GALNT17: variants seen among roughly 807,000 people sequenced by gnomAD.
GALNT17 encodes the protein polypeptide N-acetylgalactosaminyltransferase 17.
Under a neutral mutation model 63.7 loss-of-function variants are expected in GALNT17, and 29 were observed. The observed-to-expected ratio is 0.46, with a 90% CI of 0.34 to 0.62. The LOEUF (loss-of-function observed/expected upper bound fraction) is 0.62, where lower values mean the gene tolerates loss of function less well. Ranked by LOEUF, GALNT17 falls within the 20% of genes least tolerant of loss-of-function variation. GALNT17 has a pLI of 0.01. For missense variants in GALNT17, 603 were observed against 799.6 expected, an observed-to-expected ratio of 0.75 and a Z score of 2.97; for synonymous variants, 305 against 318.3, an observed-to-expected ratio of 0.96 and a Z score of 0.45.
intron 5 of GALNT17, among the ~76,000 whole-genome samples, chr7:71,546,131 G>T (rs571089414): frequency 5.1e-4 from 77 of 151,288 alleles, no homozygotes; most frequent in African/African-American, 1.8e-3. Flanking sequence ...AAACCCTCAG[G>T]GACAGGTCAT....
At chr7:71,277,793 C>T (rs1382274596) in intron 1 of GALNT17, among the ~76,000 whole-genome samples, 2 of 152,164 alleles carry the variant, frequency 1.3e-5, no homozygotes, top group Non-Finnish European at 2.9e-5. Context: ...CAGTCTTTTT[C>T]ACCCCAGTGC....
At chr7:71,701,725 G>GTGTA (rs1791634908) in intron 9 of GALNT17, among the ~76,000 whole-genome samples, 1 of 139,108 alleles carries the variant, frequency 7.2e-6, no homozygotes, top group South Asian at 2.3e-4. Flanking sequence ...TGTGGTGTAT[G>GTGTA]TATATATATA....
Position 71,259,570 on chromosome 7 carries a change from G to T in GALNT17, c.239-75980G>T, listed in dbSNP as rs565009727. Among the ~76,000 whole-genome samples the T allele has an allele frequency of 2.0e-5, 3 of 152,020 alleles. No individual in the cohort carries two copies. The South Asian group carries it at 6.2e-4, about 32-fold the overall frequency. ...GGACAGTGTCACATATTAAGAGAGG[G>T]GACATAAGCCAATGGAAGTACACAC... On this transcript the variant is annotated intron_variant, in intron 1 of 10. Transcript: ENST00000333538.
intron 2 of GALNT17, among the ~76,000 whole-genome samples, chr7:71,373,774 G>A (rs919888954): frequency 2.0e-5 from 3 of 152,022 alleles, no homozygotes; most frequent in African/African-American, 7.2e-5. Context: ...CCACACCCCC[G>A]GTTCATGGAA....
intron 6 of GALNT17, among the ~76,000 whole-genome samples, chr7:71,581,568 G>A (rs556200395): frequency 9.9e-5 from 15 of 152,238 alleles, no homozygotes; most frequent in African/African-American, 2.9e-4. Context: ...CTCCTTCAAC[G>A]CGTGGGGATT....
At chr7:71,482,065 G>A (rs181523349) in intron 5 of GALNT17, among the ~76,000 whole-genome samples, 227 of 130,770 alleles carry the variant, frequency 1.7e-3, no homozygotes, top group African/African-American at 6.0e-3. Context: ...TGATGTATAG[G>A]TATACATATA....
chr7:71,286,514 C>A (rs575660009), intron 1 of GALNT17, among the ~76,000 whole-genome samples: 1 of 152,152 alleles, frequency 6.6e-6, no homozygotes, highest in African/African-American at 2.4e-5. Context: ...TATTCCCGTT[C>A]GCAAATAAGG....
chr7:71,665,210 C>T (rs1181989378), intron 6 of GALNT17, among the ~76,000 whole-genome samples: 1 of 152,158 alleles, frequency 6.6e-6, no homozygotes, highest in Non-Finnish European at 1.5e-5. Context: ...CTCCTGACCT[C>T]AAGTGATCTG....
rs147520939 is a variant in GALNT17, at chr7:71,334,276, G to A, written c.239-1274G>A. On this transcript the variant is annotated intron_variant, in intron 1 of 10. Transcript: ENST00000333538. ...GGTGATGGGGAACCGTCTCACTACCGGAGCAGGTTTCCTGGCTCTTGACTT... is the reference window on the plus strand; with the variant it reads ...GGTGATGGGGAACCGTCTCACTACCAGAGCAGGTTTCCTGGCTCTTGACTT... Among the ~76,000 whole-genome samples the A allele has an allele frequency of 5.6e-3, 848 of 152,282 alleles. 9 individuals are homozygous for A. The highest frequency in any genetic ancestry group is 0.019 in the African/African-American group (806 of 41,562).
intron 1 of GALNT17, among the ~76,000 whole-genome samples, chr7:71,141,301 A>G (rs1191004201): frequency 1.3e-5 from 2 of 151,198 alleles, no homozygotes; most frequent in African/African-American, 4.9e-5. Context: ...TGAGAGGCGG[A>G]GGTTGCAGTG....
chr7:71,497,716 A>C (rs1037762185), intron 5 of GALNT17, among the ~76,000 whole-genome samples: 2 of 152,222 alleles, frequency 1.3e-5, no homozygotes, highest in Non-Finnish European at 2.9e-5. Context: ...TGCTGCGTGC[A>C]GCCTGCCAAG....
chr7:71,425,242 G>A (rs76142296), intron 5 of GALNT17, among the ~76,000 whole-genome samples: 2 of 145,964 alleles, frequency 1.4e-5, no homozygotes, highest in African/African-American at 5.1e-5. Flanking sequence ...TTTTTTTTTT[G>A]AGACAAAGTC....
chr7:71,475,798 AT>A (rs1474252348), intron 5 of GALNT17, among the ~76,000 whole-genome samples: 5 of 152,220 alleles, frequency 3.3e-5, no homozygotes, highest in African/African-American at 7.2e-5. Context: ...AGAAACAGGT[AT>A]CCCCAGTGAG....
intron 5 of GALNT17, among the ~76,000 whole-genome samples, chr7:71,571,010 C>T (rs1789432077): frequency 6.6e-6 from 1 of 151,930 alleles, no homozygotes; most frequent in Admixed American, 6.6e-5. Context: ...AACAGCCTTA[C>T]AGAGTAACAG....
At chr7:71,640,578 T>C (rs1790589694) in intron 6 of GALNT17, among the ~76,000 whole-genome samples, 1 of 152,212 alleles carries the variant, frequency 6.6e-6, no homozygotes, top group African/African-American at 2.4e-5. Context: ...TCTTGACTAC[T>C]CTCAAATTTA....
intron 6 of GALNT17, among the ~76,000 whole-genome samples, chr7:71,656,422 C>A (rs1318612197): frequency 1.3e-5 from 2 of 151,950 alleles, no homozygotes; most frequent in Non-Finnish European, 2.9e-5. Context: ...AAGGAAACAT[C>A]ATGGGATTGA....
intron 6 of GALNT17, among the ~76,000 whole-genome samples, chr7:71,639,784 T>TTG (rs1790578124): frequency 6.6e-6 from 1 of 152,210 alleles, no homozygotes; most frequent in Non-Finnish European, 1.5e-5. Context: ...TTGTTCTTGG[T>TTG]TGCAACTTGG....
At position 71,249,221 on chromosome 7, in the gene GALNT17, T is replaced by A. The variant is rs1790154094; in HGVS notation, c.239-86329T>A. Among the ~76,000 whole-genome samples, 4 of 152,206 alleles carry A rather than the reference T, an allele frequency of 2.6e-5. No homozygotes were observed. The South Asian group carries it at 8.3e-4, about 32-fold the overall frequency. On this transcript the variant is annotated intron_variant, in intron 1 of 10. Transcript: ENST00000333538. ...TTTCAGATTTCCTTTCTTACGTGGG[T>A]TAAATATACCTCCTGCAAGGATGTT...
intron 5 of GALNT17, among the ~76,000 whole-genome samples, chr7:71,564,555 G>C (rs548917877): frequency 5.0e-4 from 76 of 151,714 alleles, no homozygotes; most frequent in African/African-American, 1.6e-3. Flanking sequence ...CAAAGTGCTG[G>C]GATTACAGGT....
Sources: allele counts gnomAD v4.1 joint callset (sites outside exome capture counted in the v4.1 genomes callset), GRCh38; gene constraint gnomAD v4.1.1; transcripts MANE v1.5; gene names NCBI Gene and HGNC (gene_info 2026-07-23, HGNC 2026-07-21).